CCSER1: variants seen among roughly 807,000 people sequenced by gnomAD.
The protein encoded by CCSER1 is serine-rich coiled-coil domain-containing protein 1.
CCSER1 carries 41 observed loss-of-function variants against 82.0 expected under a neutral mutation model. That is an observed-to-expected ratio of 0.50 (90% CI 0.39 to 0.65). CCSER1 has a LOEUF of 0.65. CCSER1 is among the 30% of genes least tolerant of loss of function. The pLI, the probability that CCSER1 is intolerant of heterozygous loss-of-function variation, is 0.00. For synonymous variants in CCSER1, 414 were observed against 383.9 expected (o/e 1.08, Z -0.92); for missense variants, 1,119 against 1,064.2 (o/e 1.05, Z -0.72).
intron 10 of CCSER1, among the ~76,000 whole-genome samples, chr4:91,536,922 A>G (rs1761327576): frequency 6.6e-6 from 1 of 152,054 alleles, no homozygotes; most frequent in African/African-American, 2.4e-5. Context: ...AATCTTAAGT[A>G]CAGTAGATGG....
intron 5 of CCSER1, among the ~76,000 whole-genome samples, chr4:90,553,096 A>G (rs540203614): frequency 1.3e-5 from 2 of 151,760 alleles, no homozygotes; most frequent in Non-Finnish European, 2.9e-5. Context: ...TCAGGCTGCC[A>G]GTAGCTGAGA....
At chr4:90,276,231 TTTCTTTCTTTCTTTCTTTCTTTCCTTCC>T in intron 1 of CCSER1, among the ~76,000 whole-genome samples, 2 of 105,846 alleles carry the variant, frequency 1.9e-5, no homozygotes, top group African/African-American at 3.9e-5. Flanking sequence ...TCTTTCTTTC[TTTCTTTCTTTCTTTCTTTCTTTCCTTCC>T]TTCCTTCCTT....
intron 1 of CCSER1, among the ~76,000 whole-genome samples, chr4:90,186,607 T>C (rs1734661184): frequency 6.6e-6 from 1 of 151,926 alleles, no homozygotes; most frequent in African/African-American, 2.4e-5. Context: ...TACTTACAAC[T>C]ATCATTAGGA....
intron 1 of CCSER1, among the ~76,000 whole-genome samples, chr4:90,180,850 A>T (rs1441567228): frequency 6.6e-6 from 1 of 152,148 alleles, no homozygotes; most frequent in Non-Finnish European, 1.5e-5. Context: ...TGAACATCAT[A>T]ATGTAAAAGG....
chr4:91,060,758 G>A (rs1388080840), intron 9 of CCSER1, among the ~76,000 whole-genome samples: 1 of 151,836 alleles, frequency 6.6e-6, no homozygotes, highest in East Asian at 1.9e-4. Flanking sequence ...TTTTAAGTGG[G>A]GTTGATAATG....
intron 5 of CCSER1, among the ~76,000 whole-genome samples, chr4:90,517,265 T>C (rs1170795421): frequency 6.6e-6 from 1 of 152,076 alleles, no homozygotes; most frequent in Non-Finnish European, 1.5e-5. Context: ...TTCTACTGAG[T>C]GTGTATTGTT....
At chr4:91,180,753 A>C (rs912205973) in intron 10 of CCSER1, among the ~76,000 whole-genome samples, 1 of 152,222 alleles carries the variant, frequency 6.6e-6, no homozygotes, top group Non-Finnish European at 1.5e-5. Context: ...CACACACAGA[A>C]ATATAGAGGT....
chr4:90,747,342 T>G (rs1747665720), intron 7 of CCSER1, among the ~76,000 whole-genome samples: 1 of 152,218 alleles, frequency 6.6e-6, no homozygotes, highest in Admixed American at 6.5e-5. Context: ...AGGATTTTAT[T>G]ATAGAATATT....
intron 10 of CCSER1, among the ~76,000 whole-genome samples, chr4:91,120,377 T>C (rs1726982823): frequency 6.6e-6 from 1 of 152,102 alleles, no homozygotes; most frequent in Non-Finnish European, 1.5e-5. Context: ...TGATGATGGA[T>C]ACTGAAAGAC....
intron 9 of CCSER1, among the ~76,000 whole-genome samples, chr4:90,945,402 A>G (rs1732117159): frequency 6.6e-6 from 1 of 152,150 alleles, no homozygotes. Flanking sequence ...TATACTATAG[A>G]CTTCATTACA....
intron 10 of CCSER1, among the ~76,000 whole-genome samples, chr4:91,567,756 G>A (rs181991235): frequency 6.6e-6 from 1 of 151,848 alleles, no homozygotes; most frequent in Admixed American, 6.6e-5. Context: ...GCCTCTGACT[G>A]TTATTACATG....
At chr4:91,076,485 A>G (rs1004380500) in intron 9 of CCSER1, among the ~76,000 whole-genome samples, 2 of 152,140 alleles carry the variant, frequency 1.3e-5, no homozygotes, top group African/African-American at 2.4e-5. Context: ...ATGGAAGTTT[A>G]AAGCAATTTG....
intron 10 of CCSER1, among the ~76,000 whole-genome samples, chr4:91,262,953 T>C (rs1430410725): frequency 1.3e-5 from 2 of 152,140 alleles, no homozygotes; most frequent in East Asian, 3.9e-4. Context: ...GCTCTGGTAA[T>C]TAACACTTAG....
chr4:91,428,715 CCTTA>C (rs1322973908), intron 10 of CCSER1, among the ~76,000 whole-genome samples: 1 of 152,038 alleles, frequency 6.6e-6, no homozygotes, highest in African/African-American at 2.4e-5. Context: ...AGTTTCTGTT[CCTTA>C]CTGTTTTCAC....
At chr4:91,591,432 A>G (rs1764267715) in intron 10 of CCSER1, among the ~76,000 whole-genome samples, 1 of 151,994 alleles carries the variant, frequency 6.6e-6, no homozygotes, top group South Asian at 2.1e-4. Context: ...TATAGAGTGT[A>G]TTCTGTCATT....
At chr4:91,404,467 A>C (rs944951768) in intron 10 of CCSER1, among the ~76,000 whole-genome samples, 2 of 151,948 alleles carry the variant, frequency 1.3e-5, no homozygotes, top group African/African-American at 4.8e-5. Flanking sequence ...TTGCTTCTCT[A>C]GTTCTTTTAA....
intron 10 of CCSER1, among the ~76,000 whole-genome samples, chr4:91,215,658 T>G (rs1737183928): frequency 6.6e-6 from 1 of 152,186 alleles, no homozygotes; most frequent in African/African-American, 2.4e-5. Context: ...CACGCAGATT[T>G]GAGGGTGGGT....
At chr4:90,249,334 T>A (rs781744416) in intron 1 of CCSER1, among the ~76,000 whole-genome samples, 1 of 152,206 alleles carries the variant, frequency 6.6e-6, no homozygotes, top group Non-Finnish European at 1.5e-5. Context: ...ATTAATAGTT[T>A]TATCAGGATG....
chr4:91,222,149 T>C (rs1737803783), intron 10 of CCSER1, among the ~76,000 whole-genome samples: 2 of 151,090 alleles, frequency 1.3e-5, no homozygotes, highest in South Asian at 4.2e-4. Context: ...TGGCTGCTAC[T>C]GTGAACTGAT....
Sources: allele counts gnomAD v4.1 joint callset (sites outside exome capture counted in the v4.1 genomes callset), GRCh38; gene constraint gnomAD v4.1.1; transcripts MANE v1.5; gene names NCBI Gene and HGNC (gene_info 2026-07-23, HGNC 2026-07-21).